VCF1: variants seen among roughly 807,000 people sequenced by gnomAD.
VCF1 encodes protein VCF1.
the VCF1 span, among the ~76,000 whole-genome samples, chr17:73,222,822 G>C: frequency 6.6e-6 from 1 of 151,322 alleles, no homozygotes; most frequent in African/African-American, 2.4e-5. Flanking sequence ...GGCTCTAGCT[G>C]CTCCTGGATA....
At chr17:73,208,624 A>C in the VCF1 span, 1 of 790,328 alleles carries the variant, frequency 1.3e-6, no homozygotes, top group South Asian at 1.5e-5. Flanking sequence ...CCTTGTCCCA[A>C]AATTTCACAA....
the VCF1 span, among the ~76,000 whole-genome samples, chr17:73,219,379 G>A: frequency 2.0e-4 from 30 of 151,976 alleles, no homozygotes; most frequent in Admixed American, 1.2e-3. Context: ...GGCTGGGCGC[G>A]GTGGCTCATG....
chr17:73,231,672 G>C, the VCF1 span, among the ~76,000 whole-genome samples: 13 of 152,124 alleles, frequency 8.5e-5, no homozygotes, highest in Non-Finnish European at 1.8e-4. Flanking sequence ...TCTGACCTTG[G>C]GGAGCCGGCA....
the VCF1 span, chr17:73,207,705 G>A: frequency 3.2e-4 from 408 of 1,292,184 alleles, 1 homozygote; most frequent in East Asian, 6.8e-3. Flanking sequence ...ATTTCAGTAC[G>A]ATGCCAACTG....
the VCF1 span, chr17:73,229,391 C>T: frequency 5.1e-6 from 5 of 985,338 alleles, no homozygotes; most frequent in African/African-American, 8.7e-5. Context: ...ATTAATGCCA[C>T]AGACCAGGTT....
chr17:73,225,242 G>A, the VCF1 span, among the ~76,000 whole-genome samples: 3 of 152,238 alleles, frequency 2.0e-5, no homozygotes, highest in South Asian at 6.2e-4. Context: ...GACAAGTAAG[G>A]ACAAGCTCAG....
the VCF1 span, among the ~76,000 whole-genome samples, chr17:73,219,075 C>T: frequency 6.0e-5 from 9 of 151,058 alleles, no homozygotes; most frequent in Non-Finnish European, 1.0e-4. Context: ...CCTGTAATCC[C>T]AGCTACTCGG....
At chr17:73,221,678 C>G in the VCF1 span, among the ~76,000 whole-genome samples, 1 of 151,964 alleles carries the variant, frequency 6.6e-6, no homozygotes, top group African/African-American at 2.4e-5. Flanking sequence ...TGCTTGAGCC[C>G]AGGAGTTCAA....
chr17:73,209,478 C>T, the VCF1 span: 1 of 1,524,266 alleles, frequency 6.6e-7, no homozygotes, highest in Admixed American at 2.1e-5. Context: ...GTTGAAATAT[C>T]AAATCTGCAC....
chr17:73,227,589 A>G, the VCF1 span: 1 of 984,240 alleles, frequency 1.0e-6, no homozygotes. Context: ...TAACCTAATT[A>G]AGGTTTTCTT....
the VCF1 span, among the ~76,000 whole-genome samples, chr17:73,222,035 CAAAAAAAAAAAA>C: frequency 6.2e-5 from 5 of 80,914 alleles, no homozygotes; most frequent in African/African-American, 2.2e-4. Flanking sequence ...GACTCTGTCT[CAAAAAAAAAAAA>C]AAAAAAAAAA....
chr17:73,207,981 G>A, the VCF1 span: 1 of 1,267,174 alleles, frequency 7.9e-7, no homozygotes, highest in Non-Finnish European at 1.0e-6. Flanking sequence ...CCTAAGCATG[G>A]GCTATGTTGC....
At chr17:73,227,535 T>C in the VCF1 span, 399 of 786,330 alleles carry the variant, frequency 5.1e-4, 4 homozygotes, top group African/African-American at 6.8e-3. Context: ...CTGTTGGGAC[T>C]GAAACAAGAA....
chr17:73,214,686 T>G, the VCF1 span, among the ~76,000 whole-genome samples: 51 of 152,342 alleles, frequency 3.3e-4, no homozygotes, highest in Admixed American at 5.9e-4. Flanking sequence ...CTTTTTAATA[T>G]CAGATTGCTT....
At chr17:73,208,088 C>T in the VCF1 span, 2 of 1,433,014 alleles carry the variant, frequency 1.4e-6, no homozygotes, top group East Asian at 5.2e-5. Context: ...CTACCCTTTT[C>T]CCAAGACAGT....
At chr17:73,223,911 GT>G in the VCF1 span, among the ~76,000 whole-genome samples, 1 of 151,750 alleles carries the variant, frequency 6.6e-6, no homozygotes. Context: ...AGCCCAGGAG[GT>G]TGAGGCTACA....
chr17:73,207,705 G>T, the VCF1 span: 1 of 1,292,184 alleles, frequency 7.7e-7, no homozygotes, highest in Non-Finnish European at 1.0e-6. Context: ...ATTTCAGTAC[G>T]ATGCCAACTG....
the VCF1 span, among the ~76,000 whole-genome samples, chr17:73,217,873 G>A: frequency 1.2e-4 from 18 of 149,876 alleles, no homozygotes; most frequent in Non-Finnish European, 1.9e-4. Flanking sequence ...TTGAGAGGCT[G>A]AGGCAGGAGA....
At chr17:73,231,983 C>T in the VCF1 span, 1 of 1,300,498 alleles carries the variant, frequency 7.7e-7, no homozygotes, top group Non-Finnish European at 1.0e-6. Flanking sequence ...ACAGGGAGCC[C>T]CGCCGGGTCC....
Sources: gnomAD v4.1 joint callset for allele counts (sites outside exome capture counted in the v4.1 genomes callset) on GRCh38, gnomAD v4.1.1 for gene constraint, MANE v1.5 for transcripts, NCBI Gene and HGNC (gene_info 2026-07-23, HGNC 2026-07-21) for gene names.